The following GTPBP1 variants were observed in gnomAD, a reference collection of about 807,000 sequenced individuals.
GTPBP1 encodes the protein GTP-binding protein 1.
GTPBP1 carries 23 observed loss-of-function variants against 62.0 expected under a neutral mutation model. That is an observed-to-expected ratio of 0.37 (90% confidence interval 0.27 to 0.53). The LOEUF is 0.53. Ranked by LOEUF, GTPBP1 falls within the 20% of genes least tolerant of loss-of-function variation. The pLI, the probability that GTPBP1 is intolerant of heterozygous loss-of-function variation, is 0.89. For synonymous variants in GTPBP1, 344 were observed against 364.4 expected (o/e 0.94, Z 0.64); for missense variants, 640 against 917.3 (o/e 0.70, Z 3.90).
intron 4 of GTPBP1, among the ~76,000 whole-genome samples, chr22:38,717,896 C>T (rs1358585885): frequency 6.6e-6 from 1 of 152,180 alleles, no homozygotes; most frequent in Non-Finnish European, 1.5e-5. Context: ...CGAGTGTTCC[C>T]TCGGCAAGGC....
At chr22:38,740,370 A>C, downstream of GTPBP1, 2 of 1,577,922 alleles carry the variant, frequency 1.3e-6, no homozygotes, top group Non-Finnish European at 1.7e-6. This position sits in a 1 kb window ranked among gnomAD's most constrained non-coding sequence, Gnocchi z 4.8. Context: ...CAGGCCGGCC[A>C]GCTGGTCCTC....
At chr22:38,720,830 C>T (rs1285917245) in intron 4 of GTPBP1, among the ~76,000 whole-genome samples, 2 of 152,222 alleles carry the variant, frequency 1.3e-5, no homozygotes, top group Non-Finnish European at 2.9e-5. Flanking sequence ...AAGTGACCCT[C>T]TGAAGTGGAT....
downstream of GTPBP1, chr22:38,734,768 A>G (rs1382380490): frequency 5.7e-6 from 1 of 176,566 alleles, no homozygotes; most frequent in African/African-American, 2.4e-5. Context: ...ATAGGCATAA[A>G]TTAGGATCTG....
At chr22:38,734,250 T>TGGGAAAGGTCAGGGCCTGTTTTTCTCC (rs2092781861), downstream of GTPBP1, 1 of 461,332 alleles carries the variant, frequency 2.2e-6, no homozygotes, top group Non-Finnish European at 4.5e-6. Context: ...GAGCTATCTG[T>TGGGAAAGGTCAGGGCCTGTTTTTCTCC]GGGAAAGGTC....
At chr22:38,713,686 T>C (rs58507435) in intron 2 of GTPBP1, among the ~76,000 whole-genome samples, 12,911 of 152,168 alleles carry the variant, frequency 0.085, 1,281 homozygotes, top group African/African-American at 0.24. Context: ...AGCTCTGAGA[T>C]CTCCCTAGGT....
At chr22:38,741,170 C>A (rs1391288910), downstream of GTPBP1, 13 of 1,128,120 alleles carry the variant, frequency 1.2e-5, no homozygotes, top group South Asian at 1.3e-4. Context: ...GGTCTCTTGA[C>A]CCCTGCAGCA....
downstream of GTPBP1, chr22:38,741,720 C>T (rs1304529561): frequency 1.6e-5 from 11 of 684,562 alleles, no homozygotes; most frequent in African/African-American, 3.5e-5. Flanking sequence ...GCAAGACTCC[C>T]GCTTCAGCTC....
intron 2 of GTPBP1, among the ~76,000 whole-genome samples, 198 bp downstream of exon 2, chr22:38,709,154 T>C (rs1262297004): frequency 6.6e-6 from 1 of 151,944 alleles, no homozygotes; most frequent in African/African-American, 2.4e-5. Flanking sequence ...CGCTAATTAG[T>C]GGTGGCAGGC....
chr22:38,725,928 C>G, intron 6 of GTPBP1, 78 bp from the exon 7 acceptor site: 1 of 1,383,328 alleles, frequency 7.2e-7, no homozygotes, highest in Non-Finnish European at 1.0e-6. Context: ...CTGTTGCTGC[C>G]CCTGGTCTGT....
chr22:38,708,132 A>C (rs1432007010), intron 1 of GTPBP1, among the ~76,000 whole-genome samples: 3 of 152,232 alleles, frequency 2.0e-5, no homozygotes, highest in Non-Finnish European at 4.4e-5. Context: ...TCCGTTTTAT[A>C]GATTGAAAAA....
At chr22:38,736,441 A>C, downstream of GTPBP1, 1 of 1,418,590 alleles carries the variant, frequency 7.0e-7, no homozygotes, top group Non-Finnish European at 9.6e-7. Flanking sequence ...CTGACAGAGA[A>C]GGTGGGAAGG....
chr22:38,723,714 A>C (rs1603192522), intron 5 of GTPBP1, among the ~76,000 whole-genome samples: 1 of 152,366 alleles, frequency 6.6e-6, no homozygotes, highest in East Asian at 1.9e-4. Context: ...GACCCCAGGC[A>C]GAAGGAGTTG....
At chr22:38,741,453 A>G, downstream of GTPBP1, 1 of 1,591,908 alleles carries the variant, frequency 6.3e-7, no homozygotes. Context: ...GGATGGGGTC[A>G]GGACCCAGTC....
chr22:38,722,392 C>G (rs557122786), intron 5 of GTPBP1, among the ~76,000 whole-genome samples: 15 of 152,284 alleles, frequency 9.9e-5, no homozygotes, highest in Admixed American at 9.2e-4. Context: ...TTTCAGGACC[C>G]TTGATCAGAA....
chr22:38,739,404 T>C, downstream of GTPBP1: 1 of 1,613,116 alleles, frequency 6.2e-7, no homozygotes, highest in Non-Finnish European at 8.5e-7. The surrounding 1 kb of genome is among the most constrained non-coding windows in gnomAD (Gnocchi z 6.7). Context: ...CTGCAGGGCC[T>C]GCTTCACGAT....
At chr22:38,720,553 A>G (rs565671138) in intron 4 of GTPBP1, among the ~76,000 whole-genome samples, 1 of 152,224 alleles carries the variant, frequency 6.6e-6, no homozygotes, top group East Asian at 1.9e-4. Flanking sequence ...TTTTTATGAT[A>G]GCATTCTATA....
chr22:38,729,451 G>GGCTCCCACA lies in GTPBP1; in HGVS notation c.1717-5_1720dup, dbSNP rs1295667562. 12 of 1,588,054 alleles carry GGCTCCCACA rather than the reference G, an allele frequency of 7.6e-6. No individual in the cohort carries two copies. Among genetic ancestry groups the GGCTCCCACA allele is most frequent in the Non-Finnish European group, 1.0e-5 (12 of 1,167,602 alleles). The stretch of plus-strand genomic sequence containing the variant: ...AGCTCCAGCCTCAGCCTCTCTCCAT[G>GGCTCCCACA]GCTCCCACAGCTCCTCCAGACCACC... On this transcript the variant is annotated splice_polypyrimidine_tract_variant and intron_variant, in intron 10 of 11. Coordinates refer to ENST00000216044, the MANE Select transcript of GTPBP1 (RefSeq NM_004286.5).
intron 11 of GTPBP1, 41 bp downstream of exon 11, chr22:38,729,703 G>A (rs376349456): frequency 3.6e-6 from 5 of 1,388,792 alleles, no homozygotes; most frequent in Non-Finnish European, 4.7e-6. Flanking sequence ...GGTGGTGGGG[G>A]CTGTGGCTTT....
At position 38,726,245 on chromosome 22, in the gene GTPBP1, T is replaced by C; in HGVS notation, c.1219-13T>C. On this transcript the variant is annotated splice_polypyrimidine_tract_variant and intron_variant, in intron 7 of 11. Coordinates refer to ENST00000216044, the MANE Select transcript of GTPBP1 (RefSeq NM_004286.5). The surrounding 1 kb of genome is among the most constrained non-coding windows in gnomAD (Gnocchi z 4.1). ...GGGATGCACTTATGAGGCCAGGGTC[T>C]TCTCCTTGGCAGGGTGTGGGGACAG... 1 of 1,613,684 alleles carries C rather than the reference T, an allele frequency of 6.2e-7. No homozygotes were observed. Among genetic ancestry groups the C allele is most frequent in the Non-Finnish European group, 8.5e-7 (1 of 1,179,760 alleles).
Sources: allele counts gnomAD v4.1 joint callset (sites outside exome capture counted in the v4.1 genomes callset), GRCh38; gene constraint gnomAD v4.1.1; non-coding constraint Gnocchi (gnomAD v3.1); transcripts MANE v1.5; gene names NCBI Gene and HGNC (gene_info 2026-07-23, HGNC 2026-07-21).